FGF13: variants seen among roughly 807,000 people sequenced by gnomAD.
FGF13 encodes the protein fibroblast growth factor homologous factor 2.
A neutral mutation model predicts 19.5 loss-of-function variants in FGF13; 2 were observed. The ratio of observed to expected loss-of-function variants is 0.10; its 90% CI spans 0.04 to 0.32. The LOEUF (loss-of-function observed/expected upper bound fraction) is 0.32. Ranked by LOEUF, FGF13 falls within the 10% of genes least tolerant of loss-of-function variation. FGF13 has a pLI of 1.00. For synonymous variants in FGF13, 72 were observed against 76.9 expected, an observed-to-expected ratio of 0.94 and a Z score of 0.33; for missense variants, 113 against 192.7, an observed-to-expected ratio of 0.59 and a Z score of 2.45.
At chrX:138,740,934 C>T (rs1365216885), upstream of FGF13, among the ~76,000 whole-genome samples, 3 of 112,672 alleles carry the variant, frequency 2.7e-5, no homozygotes, top group Admixed American at 2.8e-4. Context: ...TGCTTAGAAG[C>T]ACAGATGATC....
intron 1 of FGF13, among the ~76,000 whole-genome samples, chrX:139,093,453 C>T (rs989469163): frequency 1.2e-4 from 13 of 112,137 alleles, no homozygotes; most frequent in Admixed American, 7.6e-4. Flanking sequence ...GAGAAGCAAG[C>T]GACAGATGGA....
At position 138,839,461 on chromosome X, in the gene FGF13, G is replaced by T. The variant is rs184123741; in HGVS notation, c.217+18051C>A. ...TGGGAAGGCAAAGGGCGAGGTTATG[G>T]TTTGTGCAAGGTTTTTAAGAGTTAT... On this transcript the variant is annotated intron_variant, in intron 3 of 6. Coordinates refer to the FGF13 transcript ENST00000436198. Among the ~76,000 whole-genome samples the T allele has an allele frequency of 8.2e-4, 91 of 111,653 alleles. No individual in the cohort carries two copies. In the Admixed American group the frequency reaches 8.6e-3, roughly 11 times the overall value.
At chrX:138,912,057 A>G (rs755930415) in intron 1 of FGF13, among the ~76,000 whole-genome samples, 54 of 111,416 alleles carry the variant, frequency 4.8e-4, no homozygotes, top group Non-Finnish European at 9.6e-4. Flanking sequence ...GGCACATTTT[A>G]TAAAAATGTT....
chrX:139,039,090 G>A (rs971967983), intron 1 of FGF13, among the ~76,000 whole-genome samples: 2 of 111,879 alleles, frequency 1.8e-5, no homozygotes, highest in Admixed American at 1.9e-4. Flanking sequence ...TTCTTTACTG[G>A]GTGGCTCTTG....
chrX:138,838,442 G>A (rs2091127876), intron 3 of FGF13, among the ~76,000 whole-genome samples: 1 of 111,621 alleles, frequency 9.0e-6, no homozygotes, highest in Admixed American at 9.5e-5. Context: ...GATTCACGAT[G>A]GGATCTCCCG....
chrX:138,949,156 A>T (rs903149910), intron 1 of FGF13, among the ~76,000 whole-genome samples: 1 of 112,065 alleles, frequency 8.9e-6, no homozygotes. Flanking sequence ...TGGAAAAGAC[A>T]TTATATTTGA....
intron 3 of FGF13, among the ~76,000 whole-genome samples, chrX:138,770,100 T>C (rs1046876102): frequency 2.7e-5 from 3 of 112,248 alleles, no homozygotes; most frequent in African/African-American, 9.7e-5. Flanking sequence ...TAACACACAT[T>C]GTTCTATCAA....
intron 1 of FGF13, among the ~76,000 whole-genome samples, chrX:138,982,925 T>C (rs1307964305): frequency 8.9e-6 from 1 of 112,537 alleles, no homozygotes; most frequent in Non-Finnish European, 1.9e-5. Context: ...TTTGGAGAAA[T>C]GTCTATTTAA....
At chrX:138,907,630 C>T (rs1246582699) in intron 1 of FGF13, among the ~76,000 whole-genome samples, 5 of 111,949 alleles carry the variant, frequency 4.5e-5, no homozygotes, top group Non-Finnish European at 9.4e-5. Context: ...ACTGAGCATG[C>T]TCCTTGAGGG....
At chrX:139,052,384 A>G (rs1406884600) in intron 1 of FGF13, among the ~76,000 whole-genome samples, 1 of 112,422 alleles carries the variant, frequency 8.9e-6, no homozygotes, top group African/African-American at 3.2e-5. Context: ...AAATTTAACC[A>G]TGTCACTGCA....
At chrX:138,901,445 G>C (rs1204711769) in intron 1 of FGF13, among the ~76,000 whole-genome samples, 1 of 111,189 alleles carries the variant, frequency 9.0e-6, no homozygotes, top group East Asian at 2.9e-4. Flanking sequence ...GTGTGTTGAG[G>C]GCACAAGTGC....
intron 1 of FGF13, among the ~76,000 whole-genome samples, chrX:138,896,582 A>C (rs754649162): frequency 1.8e-5 from 2 of 111,266 alleles, no homozygotes; most frequent in South Asian, 7.6e-4. Context: ...CAAACTCCTC[A>C]CCCTATCCTT....
chrX:138,935,356 G>A (rs1454229276), intron 1 of FGF13, among the ~76,000 whole-genome samples: 2 of 111,848 alleles, frequency 1.8e-5, no homozygotes, highest in East Asian at 2.8e-4. Flanking sequence ...CCTGGAGAGC[G>A]GACTGTGATC....
chrX:138,928,475 G>A (rs1305689792), intron 1 of FGF13, among the ~76,000 whole-genome samples: 1 of 109,806 alleles, frequency 9.1e-6, no homozygotes, highest in East Asian at 2.9e-4. Context: ...TTTCCATTTC[G>A]GCCTTTGAGG....
chrX:138,774,280 A>AATG (rs987422735), intron 3 of FGF13, among the ~76,000 whole-genome samples: 6 of 111,673 alleles, frequency 5.4e-5, no homozygotes, highest in Non-Finnish European at 3.8e-5. Flanking sequence ...TGATGATGGT[A>AATG]ATGATGATGA....
At chrX:139,080,058 CCA>C (rs61341655) in intron 1 of FGF13, among the ~76,000 whole-genome samples, 8 of 105,182 alleles carry the variant, frequency 7.6e-5, no homozygotes, top group Admixed American at 3.1e-4. Context: ...GAAAATATTA[CCA>C]CACACACACA....
At chrX:138,947,873 A>T (rs899391496) in intron 1 of FGF13, among the ~76,000 whole-genome samples, 1 of 111,279 alleles carries the variant, frequency 9.0e-6, no homozygotes, top group African/African-American at 3.3e-5. Context: ...GCCCTAATCC[A>T]TTCTCACTCC....
rs1238594603 is a variant in FGF13, at chrX:138,692,666, T to C, written c.402+10318A>G. Among the ~76,000 whole-genome samples, 5 of 111,343 alleles carry C rather than the reference T, an allele frequency of 4.5e-5. No individual in the cohort carries two copies. The East Asian group carries it at 8.4e-4, about 19-fold the overall frequency. ...GCCGTTATAGCAACAGAGCAATGAA[T>C]ATAACATTACATTTTTCCATTTGTC... On this transcript the variant is annotated intron_variant, in intron 3 of 4. Coordinates refer to ENST00000315930, the MANE Select transcript of FGF13 (RefSeq NM_004114.5).
chrX:138,900,583 T>G (rs1389737311), intron 1 of FGF13, among the ~76,000 whole-genome samples: 4 of 111,414 alleles, frequency 3.6e-5, no homozygotes, highest in Admixed American at 2.9e-4. Flanking sequence ...TTCTAATAGC[T>G]TCCCAATATA....
Sources: allele counts gnomAD v4.1 joint callset (sites outside exome capture counted in the v4.1 genomes callset), GRCh38; gene constraint gnomAD v4.1.1; transcripts MANE v1.5; gene names NCBI Gene and HGNC (gene_info 2026-07-23, HGNC 2026-07-21).